Variants in CNTNAP2 observed in about 807,000 individuals in gnomAD.
CNTNAP2 encodes the protein contactin-associated protein-like 2.
CNTNAP2 carries 98 observed loss-of-function variants against 155.2 expected under a neutral mutation model. The ratio of observed to expected loss-of-function variants is 0.63; its 90% confidence interval spans 0.54 to 0.75. The LOEUF is 0.75. CNTNAP2 is among the 30% of genes least tolerant of loss of function. The pLI is 0.00. For missense variants in CNTNAP2, 1,727 were observed against 1,688.1 expected (o/e 1.02, Z -0.40); for synonymous variants, 651 against 631.2 (o/e 1.03, Z -0.47).
At chr7:147,254,994 G>A (rs964122536) in intron 8 of CNTNAP2, among the ~76,000 whole-genome samples, 1 of 152,150 alleles carries the variant, frequency 6.6e-6, no homozygotes, top group African/African-American at 2.4e-5. Flanking sequence ...TTGCAATCAT[G>A]TATTGGCAGC....
intron 8 of CNTNAP2, among the ~76,000 whole-genome samples, chr7:147,160,297 G>A (rs1404036112): frequency 6.6e-6 from 1 of 151,940 alleles, no homozygotes; most frequent in African/African-American, 2.4e-5. Flanking sequence ...TTTCATTTAT[G>A]TTCATATTCT....
chr7:147,514,315 A>G (rs1205351517), intron 11 of CNTNAP2, among the ~76,000 whole-genome samples: 1 of 152,014 alleles, frequency 6.6e-6, no homozygotes, highest in Non-Finnish European at 1.5e-5. Context: ...ATGTAGATAG[A>G]TTTTTACATC....
At chr7:147,162,726 G>A (rs932874322) in intron 8 of CNTNAP2, among the ~76,000 whole-genome samples, 4 of 152,004 alleles carry the variant, frequency 2.6e-5, no homozygotes, top group African/African-American at 7.3e-5. Context: ...CATAAGCATC[G>A]GTAATTTTGG....
At chr7:146,790,771 G>GT (rs1437182494) in intron 2 of CNTNAP2, among the ~76,000 whole-genome samples, 5 of 151,710 alleles carry the variant, frequency 3.3e-5, no homozygotes, top group Non-Finnish European at 5.9e-5. Flanking sequence ...GGGTTTCACC[G>GT]TGTTAGCCAG....
chr7:147,156,070 C>T (rs1172060838), intron 8 of CNTNAP2, among the ~76,000 whole-genome samples: 5 of 152,138 alleles, frequency 3.3e-5, no homozygotes, highest in African/African-American at 9.7e-5. Flanking sequence ...TCACGCCTTA[C>T]AGTCTTCCTC....
At chr7:147,176,221 T>G (rs961557166) in intron 8 of CNTNAP2, among the ~76,000 whole-genome samples, 1 of 152,188 alleles carries the variant, frequency 6.6e-6, no homozygotes, top group African/African-American at 2.4e-5. Flanking sequence ...TGAATAGGAA[T>G]TGAAGATCCA....
chr7:147,425,879 T>C (rs981932029), intron 10 of CNTNAP2, among the ~76,000 whole-genome samples: 10 of 152,198 alleles, frequency 6.6e-5, no homozygotes, highest in Non-Finnish European at 1.3e-4. Flanking sequence ...CATACTTCAT[T>C]TATTCTAACG....
intron 1 of CNTNAP2, among the ~76,000 whole-genome samples, chr7:146,725,171 CTCT>C (rs1393253736): frequency 7.3e-5 from 11 of 151,312 alleles, no homozygotes; most frequent in Non-Finnish European, 1.5e-5. Context: ...ATATCTGTGT[CTCT>C]TCTTACAAGG....
At chr7:146,659,071 T>C (rs1473083142) in intron 1 of CNTNAP2, among the ~76,000 whole-genome samples, 2 of 152,110 alleles carry the variant, frequency 1.3e-5, no homozygotes, top group African/African-American at 4.8e-5. Flanking sequence ...AGAAACCCAA[T>C]CCCTTGTTTA....
At chr7:146,722,515 A>T (rs1173339601) in intron 1 of CNTNAP2, among the ~76,000 whole-genome samples, 2 of 152,082 alleles carry the variant, frequency 1.3e-5, no homozygotes, top group African/African-American at 2.4e-5. Flanking sequence ...TTCTCAATAC[A>T]TTAATAGTTT....
At chr7:146,262,162 A>G (rs1307250676) in intron 1 of CNTNAP2, among the ~76,000 whole-genome samples, 10 of 152,162 alleles carry the variant, frequency 6.6e-5, no homozygotes, top group Non-Finnish European at 1.0e-4. Flanking sequence ...CTTTTTCACC[A>G]GTCATGATAA....
At chr7:147,992,084 C>A (rs1801719072) in intron 15 of CNTNAP2, among the ~76,000 whole-genome samples, 1 of 124,266 alleles carries the variant, frequency 8.0e-6, no homozygotes, top group African/African-American at 3.8e-5. Flanking sequence ...TGTATTACTA[C>A]CTCTTTTTTT....
At chr7:147,057,498 C>T (rs1342400193) in intron 4 of CNTNAP2, among the ~76,000 whole-genome samples, 1 of 152,104 alleles carries the variant, frequency 6.6e-6, no homozygotes, top group Admixed American at 6.6e-5. Context: ...TTAAAGTTTG[C>T]CATCCTCGAC....
intron 6 of CNTNAP2, among the ~76,000 whole-genome samples, chr7:147,127,484 G>A (rs1045170364): frequency 6.6e-6 from 1 of 150,938 alleles, no homozygotes; most frequent in Admixed American, 6.6e-5. Context: ...AACATAATTT[G>A]TTCATGGACC....
At chr7:146,553,197 A>T (rs575079367) in intron 1 of CNTNAP2, among the ~76,000 whole-genome samples, 3 of 152,268 alleles carry the variant, frequency 2.0e-5, no homozygotes, top group East Asian at 3.9e-4. Flanking sequence ...ATATGAAATT[A>T]TGACAATATT....
chr7:147,088,753 T>G (rs1353005453), intron 4 of CNTNAP2, among the ~76,000 whole-genome samples: 1 of 151,890 alleles, frequency 6.6e-6, no homozygotes, highest in African/African-American at 2.4e-5. Context: ...AAGATCAGCC[T>G]GCAACATAGA....
At chr7:146,665,796 A>AAAAAAAAAAAAAAC (rs1800183074) in intron 1 of CNTNAP2, among the ~76,000 whole-genome samples, 2 of 148,414 alleles carry the variant, frequency 1.3e-5, no homozygotes, top group African/African-American at 2.5e-5. Flanking sequence ...AAAAAAAAAA[A>AAAAAAAAAAAAAAC]AATACATTTT....
intron 16 of CNTNAP2, among the ~76,000 whole-genome samples, chr7:148,143,679 A>G (rs1805118505): frequency 6.6e-6 from 1 of 152,170 alleles, no homozygotes; most frequent in African/African-American, 2.4e-5. Context: ...ACCCTGTCTC[A>G]AAAAATACAA....
At chr7:147,476,929 TAA>T (rs1220005381) in intron 10 of CNTNAP2, among the ~76,000 whole-genome samples, 542 of 18,232 alleles carry the variant, frequency 0.03, 4 homozygotes, top group Admixed American at 0.061. Flanking sequence ...CTCTGTCATT[TAA>T]AAAAAAAAAA....
Sources: gnomAD v4.1 joint callset for allele counts (sites outside exome capture counted in the v4.1 genomes callset) on GRCh38, gnomAD v4.1.1 for gene constraint, MANE v1.5 for transcripts, NCBI Gene and HGNC (gene_info 2026-07-23, HGNC 2026-07-21) for gene names.